SSB: variants seen among roughly 807,000 people sequenced by gnomAD.
SSB encodes small RNA binding exonuclease protection factor La, also known as lupus La protein.
In SSB, 17 loss-of-function variants were observed where a neutral mutation model predicts 52.9. The ratio of observed to expected loss-of-function variants is 0.32; its 90% CI spans 0.22 to 0.48. SSB has a LOEUF of 0.48. SSB is among the 20% of genes least tolerant of loss of function. The pLI, the probability that SSB is intolerant of heterozygous loss-of-function variation, is 0.99. For missense variants in SSB, 314 were observed against 463.6 expected (o/e 0.68, Z 2.96); for synonymous variants, 111 against 152.1 (o/e 0.73, Z 1.99).
At chr2:169,804,040 A>G (rs949848525) in intron 2 of SSB, among the ~76,000 whole-genome samples, 5 of 152,050 alleles carry the variant, frequency 3.3e-5, no homozygotes, top group Non-Finnish European at 7.4e-5. Context: ...TGCGAGGCCA[A>G]TAAAATATCC....
At chr2:169,799,454 C>G (rs1326153094) in intron 1 of SSB, 1 of 152,046 alleles carries the variant, frequency 6.6e-6, no homozygotes, top group Non-Finnish European at 1.5e-5. Context: ...ACACCAGCGT[C>G]ACTCTTTTGG....
chr2:169,801,560 G>C (rs945252271), intron 2 of SSB, among the ~76,000 whole-genome samples: 1 of 117,990 alleles, frequency 8.5e-6, no homozygotes, highest in Admixed American at 1.2e-4. Context: ...TGTTGGCCAC[G>C]CTGGAGTGCA....
chr2:169,808,155 A>C (rs1251279254), intron 6 of SSB, among the ~76,000 whole-genome samples: 2 of 152,152 alleles, frequency 1.3e-5, no homozygotes, highest in African/African-American at 4.8e-5. Flanking sequence ...TGAAATTGCT[A>C]ATGGATAGGG....
At position 169,808,422 on chromosome 2, in the gene SSB, A is replaced by T. The variant is rs73972622; in HGVS notation, c.555-60A>T. 6,495 of 1,345,908 alleles carry T rather than the reference A, an allele frequency of 4.8e-3. 226 individuals carry two copies. The African/African-American group carries it at 0.079, about 16-fold the overall frequency. The allele number at this position is 1,345,908 out of a possible 1,614,324, so 83.4% of individuals were successfully genotyped here. A position where few individuals can be genotyped will look rare whatever the true frequency, so the allele number is the denominator to read the frequency against. On this transcript the variant is annotated intron_variant, in intron 6 of 11. Transcript: ENST00000260956. ...TGTGCCATGTCTTAAGTTATTCAAA[A>T]TAATCTGCAGTCTTAACTTTGTTCT...
Position 169,800,301 on chromosome 2 carries a change from C to T in SSB, c.-9-651C>T, listed in dbSNP as rs533135373. On this transcript the variant is annotated intron_variant, in intron 1 of 11. Transcript: ENST00000260956. ...ATCCCAGCACTTTGGGAGGCCGAGG[C>T]GGGTGGATCGCCAGAGGTCAGGAGT... Among the ~76,000 whole-genome samples, 6 of 152,122 alleles carry T rather than the reference C, an allele frequency of 3.9e-5. No individual in the cohort carries two copies. The East Asian group carries it at 1.2e-3, about 29-fold the overall frequency.
At chr2:169,799,778 G>T (rs1689669881) in intron 1 of SSB, among the ~76,000 whole-genome samples, 1 of 152,124 alleles carries the variant, frequency 6.6e-6, no homozygotes, top group Non-Finnish European at 1.5e-5. Context: ...TGTATCCATG[G>T]TATCGAATGC....
chr2:169,808,718 C>T, intron 7 of SSB, 142 bp from the exon 8 acceptor site: 1 of 975,834 alleles, frequency 1.0e-6, no homozygotes, highest in Non-Finnish European at 1.5e-6. Context: ...GCATTGCAGT[C>T]TAGCATTGGA....
chr2:169,805,655 T>C lies in SSB; in HGVS notation c.171-10T>C, dbSNP rs1186389785. 1 of 1,613,404 alleles carries C rather than the reference T, an allele frequency of 6.2e-7. No homozygotes were observed. Among genetic ancestry groups the C allele is most frequent in the African/African-American group, 1.3e-5 (1 of 74,850 alleles). On this transcript the variant is annotated splice_polypyrimidine_tract_variant and intron_variant, in intron 3 of 11. Transcript: ENST00000260956. ...CTGCTGAGTCTTATGTTTTTATATGTACTCTTCAGGTTGAACCGTCTAACA... is the reference window on the plus strand; with the variant it reads ...CTGCTGAGTCTTATGTTTTTATATGCACTCTTCAGGTTGAACCGTCTAACA...
Position 169,805,565 on chromosome 2 carries a change from T to C in SSB, c.158T>C (p.Ile53Thr), listed in dbSNP as rs911514709. The change falls in exon 3 of 12, where the codon ATA (isoleucine) becomes ACA (threonine). Residue 53 changes from isoleucine (I) to threonine (T), a missense_variant. Coordinates refer to ENST00000260956, the MANE Select transcript of SSB (RefSeq NM_003142.5). ...GGCTGGGTACCTTTGGAGATAATGA[T>C]AAAATTCAACAGGTAACAAGCTTTT... ...DEGWVPLEIM[I>T]KFNRLNRLTT... The C allele has an allele frequency of 6.2e-7, 1 of 1,613,764 alleles. No individual in the cohort carries two copies. Among genetic ancestry groups the C allele is most frequent in the Admixed American group, 1.7e-5 (1 of 59,988 alleles).
In SSB at chr2:169,808,729, C is replaced by T. The variant is rs570592639; in HGVS notation, c.627-131C>T. On this transcript the variant is annotated intron_variant, in intron 7 of 11. Transcript: ENST00000260956. ...AATTGCATTGCAGTCTAGCATTGGA[C>T]GATCAAAAAAACCTAAGGACTTCTG... 6.6e-5 allele frequency: 67 copies of T among 1,007,750 alleles called. No homozygotes were observed. The Middle Eastern group carries it at 2.6e-3, about 40-fold the overall frequency. 62.4% of individuals were successfully genotyped at this position (1,007,750 alleles called of 1,614,324 possible). A position where few individuals can be genotyped will look rare whatever the true frequency, so the allele number is the denominator to read the frequency against.
At chr2:169,805,863 A>T in intron 4 of SSB, 24 bp downstream of exon 4, 2 of 1,592,842 alleles carry the variant, frequency 1.3e-6, no homozygotes, top group Non-Finnish European at 1.7e-6. Flanking sequence ...TAATGCATTT[A>T]AATATCTTAC....
chr2:169,808,700 G>T, intron 7 of SSB, 147 bp downstream of exon 7: 1 of 1,001,984 alleles, frequency 1.0e-6, no homozygotes, highest in South Asian at 1.6e-5. Flanking sequence ...CAATCTCAGG[G>T]CCAAATTGCA....
chr2:169,811,115 G>T lies in SSB; in HGVS notation c.998-68G>T, dbSNP rs1385481565. 4 of 1,591,372 alleles carry T rather than the reference G, an allele frequency of 2.5e-6. No individual in the cohort carries two copies. The African/African-American group carries it at 4.1e-5, about 16-fold the overall frequency. ...TTTACTTGAGCAAAAACTTTAATCA[G>T]TGTTCAAAAACATTGACAAGAGACT... On this transcript the variant is annotated intron_variant, in intron 10 of 11. Coordinates refer to ENST00000260956, the MANE Select transcript of SSB (RefSeq NM_003142.5).
intron 2 of SSB, among the ~76,000 whole-genome samples, chr2:169,804,445 CTTGCCATG>C (rs1258124622): frequency 6.6e-6 from 1 of 151,480 alleles, no homozygotes; most frequent in Non-Finnish European, 1.5e-5. Flanking sequence ...GAGCTGGGGT[CTTGCCATG>C]TTGCCCAGGC....
intron 2 of SSB, among the ~76,000 whole-genome samples, chr2:169,801,509 G>GTTTTTTTTTTTTTTTTTTTTTTTTTTTTT: frequency 1.4e-5 from 1 of 73,666 alleles, no homozygotes; most frequent in South Asian, 6.2e-4. Flanking sequence ...CTTTAATATA[G>GTTTTTTTTTTTTTTTTTTTTTTTTTTTTT]TTTTTTTTTT....
chr2:169,805,314 CT>C (rs1488778452), intron 2 of SSB, among the ~76,000 whole-genome samples, 159 bp from the exon 3 acceptor site: 3 of 152,168 alleles, frequency 2.0e-5, no homozygotes, highest in Admixed American at 6.5e-5. Flanking sequence ...TTAGTTTTAT[CT>C]TTTTGCTAAT....
At chr2:169,809,091 A>C in intron 8 of SSB, 189 bp downstream of exon 8, 1 of 617,524 alleles carries the variant, frequency 1.6e-6, no homozygotes, top group Non-Finnish European at 3.0e-6. Flanking sequence ...GTTCTAAAAT[A>C]TGGAAAAGGC....
chr2:169,803,518 G>A (rs958981521), intron 2 of SSB, among the ~76,000 whole-genome samples: 1 of 152,084 alleles, frequency 6.6e-6, no homozygotes, highest in Non-Finnish European at 1.5e-5. Flanking sequence ...CCAAAGTGCT[G>A]GGATTACAGG....
In SSB at chr2:169,808,558, G is replaced by C; in HGVS notation, c.626+5G>C. The C allele has an allele frequency of 6.2e-7, 1 of 1,602,034 alleles. No homozygotes were observed. Among genetic ancestry groups the C allele is most frequent in the Non-Finnish European group, 8.6e-7 (1 of 1,169,496 alleles). On this transcript the variant is annotated splice_donor_5th_base_variant and intron_variant, in intron 7 of 11. Transcript: ENST00000260956. ...AGCTAAATTAAGAGCTAAACAGTAA[G>C]TATGTTGAACTAATCACGACATAAT... is the stretch of plus-strand genomic sequence containing the variant.
Sources: gnomAD v4.1 joint callset for allele counts (sites outside exome capture counted in the v4.1 genomes callset) on GRCh38, gnomAD v4.1.1 for gene constraint, MANE v1.5 for transcripts, NCBI Gene and HGNC (gene_info 2026-07-23, HGNC 2026-07-21) for gene names.